NEK3: variants seen among roughly 807,000 people sequenced by gnomAD.
NEK3 encodes the protein NIMA related kinase 3.
In NEK3, 54 loss-of-function variants were observed where a neutral mutation model predicts 66.0. That is an observed-to-expected ratio of 0.82 (90% CI 0.66 to 1.03). NEK3 has a LOEUF of 1.03. NEK3 is among the 50% of genes least tolerant of loss of function. NEK3 has a pLI of 0.00. For missense variants in NEK3, 593 were observed against 603.0 expected (o/e 0.98, Z 0.17); for synonymous variants, 200 against 206.2 (o/e 0.97, Z 0.26).
chr13:52,155,704 T>C (rs1005403092), intron 2 of NEK3, among the ~76,000 whole-genome samples: 1 of 151,936 alleles, frequency 6.6e-6, no homozygotes, highest in Admixed American at 6.6e-5. Context: ...TGAGACAGAG[T>C]CTTATTTTGT....
rs535588837 is a variant in NEK3 at position 52,140,940 on chromosome 13, G to A, written c.927+80C>T. On this transcript the variant is annotated intron_variant, in intron 11 of 15. Transcript: ENST00000610828. ...CTTGATTCTCCTGCCTCAACCTCCC[G>A]AGTAGCTGGGATTACAGGCTTGCAC... The A allele has an allele frequency of 5.8e-5, 67 of 1,156,756 alleles. 1 individual carries two copies. The South Asian group carries it at 8.1e-4, about 14-fold the overall frequency. The allele number at this position is 1,156,756 out of a possible 1,614,324, so 71.7% of individuals were successfully genotyped here.
intron 8 of NEK3, chr13:52,148,206 T>C (rs1183944019): frequency 7.3e-6 from 3 of 411,874 alleles, no homozygotes; most frequent in Non-Finnish European, 1.3e-5. Flanking sequence ...AGAAAGGTTA[T>C]GTATTGCACA....
intron 8 of NEK3, among the ~76,000 whole-genome samples, chr13:52,146,078 A>G (rs1407983459): frequency 2.6e-5 from 4 of 152,102 alleles, no homozygotes; most frequent in Non-Finnish European, 4.4e-5. Context: ...AGTATAGTCA[A>G]ATTTATTCAT....
chr13:52,155,258 C>A (rs1312046897), intron 2 of NEK3, among the ~76,000 whole-genome samples: 1 of 152,058 alleles, frequency 6.6e-6, no homozygotes, highest in Non-Finnish European at 1.5e-5. Flanking sequence ...AAAAATTGAT[C>A]CAAAATATTA....
At chr13:52,154,720 T>C (rs1956377592) in intron 2 of NEK3, among the ~76,000 whole-genome samples, 1 of 151,416 alleles carries the variant, frequency 6.6e-6, no homozygotes, top group Non-Finnish European at 1.5e-5. Context: ...ACTTACTCTA[T>C]GAGGATGAAA....
intron 10 of NEK3, among the ~76,000 whole-genome samples, chr13:52,143,597 T>C (rs1956268699): frequency 6.6e-6 from 1 of 152,226 alleles, no homozygotes; most frequent in South Asian, 2.1e-4. Flanking sequence ...TTTTCATGGA[T>C]AGATTCTTAG....
At chr13:52,156,017 T>C (rs868127944) in intron 2 of NEK3, 58 bp downstream of exon 2, 12 of 1,188,212 alleles carry the variant, frequency 1.0e-5, no homozygotes, top group Middle Eastern at 2.8e-4. Flanking sequence ...CAAAAACTTA[T>C]TCTTTTATAT....
chr13:52,152,599 C>A lies in NEK3; in HGVS notation c.393+10G>T. 6.4e-7 allele frequency: 1 copy of A among 1,557,882 alleles called. No homozygotes were observed. The highest frequency in any genetic ancestry group is 2.3e-5 in the East Asian group (1 of 42,960). The stretch of plus-strand genomic sequence containing the variant: ...TTTTTTTTTTAAGTCCAAAAATGTA[C>A]TCCACTCACCTTGGACTTGATATCT... On this transcript the variant is annotated intron_variant, in intron 5 of 15. Coordinates refer to ENST00000610828, the MANE Select transcript of NEK3 (RefSeq NM_002498.3).
intron 2 of NEK3, among the ~76,000 whole-genome samples, 191 bp downstream of exon 2, chr13:52,155,884 T>G (rs943168805): frequency 6.6e-6 from 1 of 152,066 alleles, no homozygotes; most frequent in Non-Finnish European, 1.5e-5. Flanking sequence ...GTTTTCCCCA[T>G]GTTGGCCAGG....
chr13:52,143,510 TTC>T (rs745589454), intron 10 of NEK3, among the ~76,000 whole-genome samples: 13 of 152,176 alleles, frequency 8.5e-5, no homozygotes, highest in Non-Finnish European at 1.5e-4. Flanking sequence ...TTAGAAAAGC[TTC>T]TCTTTTTAAA....
Position 52,144,709 on chromosome 13 carries a change from C to T in NEK3, c.786G>A (p.Gln262=). 6.2e-7 allele frequency: 1 copy of T among 1,613,864 alleles called. No homozygotes were observed. The highest frequency in any genetic ancestry group is 1.3e-5 in the African/African-American group (1 of 75,028). The stretch of plus-strand genomic sequence containing the variant: ...ATCATACCTCGGGGGGTAAGCACTT[C>T]TGGACAAGCCGAGCTACGATGCCTC... The part of the protein sequence containing the change: ...LSRGIVARLV[Q]KCLPPEIIME... The change falls in exon 9 of 16, where the codon CAG becomes CAA. Residue 262 remains glutamine, a synonymous_variant. Coordinates refer to ENST00000610828, the MANE Select transcript of NEK3 (RefSeq NM_002498.3).
intron 10 of NEK3, among the ~76,000 whole-genome samples, chr13:52,143,523 A>C (rs1956268250): frequency 1.3e-5 from 2 of 152,184 alleles, no homozygotes; most frequent in Non-Finnish European, 2.9e-5. Context: ...TCTTTTTAAA[A>C]GTCTGTTTAT....
chr13:52,148,688 T>C (rs1449974791), intron 7 of NEK3, among the ~76,000 whole-genome samples: 1 of 152,186 alleles, frequency 6.6e-6, no homozygotes, highest in Non-Finnish European at 1.5e-5. Flanking sequence ...GCAGTTGAGA[T>C]ATCACTTCAG....
At chr13:52,140,086 A>G (rs1272064756) in intron 11 of NEK3, among the ~76,000 whole-genome samples, 1 of 149,120 alleles carries the variant, frequency 6.7e-6, no homozygotes, top group African/African-American at 2.5e-5. Flanking sequence ...ATGGTGGCAC[A>G]TGCCTGTAGT....
chr13:52,140,334 C>A (rs146638873), intron 11 of NEK3, among the ~76,000 whole-genome samples: 1 of 151,912 alleles, frequency 6.6e-6, no homozygotes, highest in African/African-American at 2.4e-5. Context: ...GGAGGCCGGG[C>A]ACGGTGGCTC....
intron 1 of NEK3, 109 bp downstream of exon 1, chr13:52,159,434 G>T (rs897632978): frequency 6.8e-6 from 1 of 146,320 alleles, no homozygotes; most frequent in Non-Finnish European, 1.5e-5. Flanking sequence ...GAGGGGCGCG[G>T]CCGCGCGTCC....
chr13:52,134,388 T>C (rs73500177), intron 14 of NEK3, among the ~76,000 whole-genome samples: 6,921 of 152,014 alleles, frequency 0.046, 160 homozygotes, highest in South Asian at 0.066. Context: ...ACCCTCCCAA[T>C]ATAAGAATGT....
At chr13:52,145,155 T>C (rs1420457353) in intron 8 of NEK3, among the ~76,000 whole-genome samples, 1 of 152,192 alleles carries the variant, frequency 6.6e-6, no homozygotes, top group African/African-American at 2.4e-5. Flanking sequence ...TAATGTTTTT[T>C]GCAGATATAC....
intron 11 of NEK3, among the ~76,000 whole-genome samples, chr13:52,138,888 G>A (rs1028260867): frequency 1.3e-5 from 2 of 151,986 alleles, no homozygotes; most frequent in Non-Finnish European, 2.9e-5. Flanking sequence ...TGGTGTTTAC[G>A]CCACTGCACT....
Sources: gnomAD v4.1 joint callset for allele counts (sites outside exome capture counted in the v4.1 genomes callset) on GRCh38, gnomAD v4.1.1 for gene constraint, MANE v1.5 for transcripts, NCBI Gene and HGNC (gene_info 2026-07-23, HGNC 2026-07-21) for gene names.